The following AMBP variants were observed in gnomAD, a reference collection of about 807,000 sequenced individuals.
AMBP encodes protein AMBP.
A neutral mutation model predicts 46.3 loss-of-function variants in AMBP; 37 were observed. The ratio of observed to expected loss-of-function variants is 0.80; its 90% CI spans 0.61 to 1.05. The LOEUF (loss-of-function observed/expected upper bound fraction) is 1.05, where lower values mean the gene tolerates loss of function less well. Ranked by LOEUF, AMBP falls within the 50% of genes least tolerant of loss-of-function variation. The pLI is 0.00. For missense variants in AMBP, 475 were observed against 461.2 expected, an observed-to-expected ratio of 1.03 and a Z score of -0.27; for synonymous variants, 174 against 175.9, an observed-to-expected ratio of 0.99 and a Z score of 0.09.
chr9:114,069,067 C>CAT (rs958498953), intron 6 of AMBP, among the ~76,000 whole-genome samples: 10 of 151,560 alleles, frequency 6.6e-5, no homozygotes, highest in Non-Finnish European at 1.0e-4. Flanking sequence ...TATATATACA[C>CAT]ATATATATAT....
At chr9:114,077,101 G>A (rs1474033056) in intron 1 of AMBP, among the ~76,000 whole-genome samples, 1 of 152,094 alleles carries the variant, frequency 6.6e-6, no homozygotes, top group Non-Finnish European at 1.5e-5. Context: ...CAATGATGGG[G>A]TGCTCCCCAC....
intron 4 of AMBP, among the ~76,000 whole-genome samples, chr9:114,073,743 C>T (rs1846771078): frequency 6.6e-6 from 1 of 152,150 alleles, no homozygotes; most frequent in Non-Finnish European, 1.5e-5. Flanking sequence ...AAGCAATCCT[C>T]TTGCCTTGGC....
chr9:114,061,516 A>G lies in AMBP; in HGVS notation c.761T>C (p.Met254Thr), dbSNP rs777174869. The change falls in exon 8 of 10, where the codon ATG becomes ACG. Residue 254 changes from methionine (M) to threonine (T), a missense_variant. By Grantham distance (81) the Met-to-Thr change is moderately conservative (BLOSUM62 -1). Transcript: ENST00000265132. Reference sequence around the variant, plus strand: ...GCCGTACTGGAAAGTCTCACAGGCCATGGATGTACCATTATAGAAATACCT... The same window carrying G: ...GCCGTACTGGAAAGTCTCACAGGCCGTGGATGTACCATTATAGAAATACCT... ...TSRYFYNGTS[M>T]ACETFQYGGC... 5.0e-6 allele frequency: 8 copies of G among 1,614,022 alleles called. No individual in the cohort carries two copies. Among genetic ancestry groups the G allele is most frequent in the African/African-American group, 1.3e-5 (1 of 74,926 alleles).
At chr9:114,066,029 GCC>G (rs56387314) in intron 6 of AMBP, among the ~76,000 whole-genome samples, 32,600 of 152,100 alleles carry the variant, frequency 0.21, 3,723 homozygotes, top group East Asian at 0.38. Flanking sequence ...CCAGGGGTCA[GCC>G]CCTTTTGGGG....
chr9:114,066,167 CT>C (rs1846691400), intron 6 of AMBP, among the ~76,000 whole-genome samples: 1 of 152,198 alleles, frequency 6.6e-6, no homozygotes, highest in Admixed American at 6.5e-5. Context: ...TCAGAGGTCC[CT>C]GTAGTGTTGG....
At chr9:114,061,368 T>C (rs776320024) in intron 8 of AMBP, 56 bp downstream of exon 8, 5 of 1,608,940 alleles carry the variant, frequency 3.1e-6, no homozygotes, top group Non-Finnish European at 1.7e-6. Context: ...GGTGGTTTAC[T>C]GGAGGGACAG....
intron 6 of AMBP, among the ~76,000 whole-genome samples, chr9:114,066,376 C>CGTGT (rs55940547): frequency 0.035 from 4,937 of 141,216 alleles, 177 homozygotes; most frequent in East Asian, 0.15. Flanking sequence ...TTTATGTGCA[C>CGTGT]GTGTGTGTGT....
At chr9:114,067,083 G>C (rs1042153230) in intron 6 of AMBP, among the ~76,000 whole-genome samples, 1 of 152,000 alleles carries the variant, frequency 6.6e-6, no homozygotes, top group African/African-American at 2.4e-5. Context: ...TGGGACTACA[G>C]GCCTCAGCCA....
In AMBP at chr9:114,062,771, G is replaced by A. The variant is rs1318658139; in HGVS notation, c.604-13C>T. 1.2e-6 allele frequency: 2 copies of A among 1,613,672 alleles called. No homozygotes were observed. Among genetic ancestry groups the A allele is most frequent in the South Asian group, 2.2e-5 (2 of 91,062 alleles). On this transcript the variant is annotated splice_polypyrimidine_tract_variant and intron_variant, in intron 6 of 9. Coordinates refer to ENST00000265132, the MANE Select transcript of AMBP (RefSeq NM_001633.4). ...CCCTCCGGACTCTCTGCGGGGGAGA[G>A]AAAGAGAAGAAGCAGTTGCAGACTC...
intron 5 of AMBP, among the ~76,000 whole-genome samples, chr9:114,072,173 C>T (rs1002392062): frequency 7.9e-5 from 12 of 152,330 alleles, no homozygotes; most frequent in African/African-American, 1.2e-4. Flanking sequence ...GAGCCCAGAC[C>T]TGGGAGCTCC....
chr9:114,076,748 G>A lies in AMBP; in HGVS notation c.118-8C>T, dbSNP rs997501852. 1.1e-5 allele frequency: 17 copies of A among 1,613,738 alleles called. No individual in the cohort carries two copies. Among genetic ancestry groups the A allele is most frequent in the Non-Finnish European group, 1.4e-5 (16 of 1,179,780 alleles). On this transcript the variant is annotated splice_polypyrimidine_tract_variant and splice_region_variant and intron_variant, in intron 1 of 9. Coordinates refer to ENST00000265132, the MANE Select transcript of AMBP (RefSeq NM_001633.4). ...GTACCACTTCCCATAGATCTAGGAG[G>A]CAGGTGAGCTCTGGGGGTCTGCATC...
intron 5 of AMBP, among the ~76,000 whole-genome samples, chr9:114,071,803 C>CT (rs1846747826): frequency 6.6e-6 from 1 of 152,192 alleles, no homozygotes; most frequent in Non-Finnish European, 1.5e-5. Flanking sequence ...GAGACACACA[C>CT]TCTAGGGCCT....
At chr9:114,076,787 A>C (rs762466887) in intron 1 of AMBP, 47 bp from the exon 2 acceptor site, 2 of 1,596,124 alleles carry the variant, frequency 1.3e-6, no homozygotes, top group East Asian at 4.5e-5. Flanking sequence ...CTCAGACCTC[A>C]AAGCAGACCT....
intron 3 of AMBP, among the ~76,000 whole-genome samples, 200 bp downstream of exon 3, chr9:114,074,760 T>C (rs781317835): frequency 7.6e-5 from 11 of 144,582 alleles, no homozygotes; most frequent in Non-Finnish European, 7.6e-5. Flanking sequence ...GGGCACTGGG[T>C]GGGGGCAGGG....
intron 6 of AMBP, among the ~76,000 whole-genome samples, chr9:114,068,665 G>A (rs1846715385): frequency 6.6e-6 from 1 of 151,390 alleles, no homozygotes; most frequent in Non-Finnish European, 1.5e-5. Context: ...ATTAGAAATA[G>A]CACTTGTAAT....
chr9:114,074,459 CTT>C (rs1339800639), intron 3 of AMBP, among the ~76,000 whole-genome samples: 1 of 152,196 alleles, frequency 6.6e-6, no homozygotes, highest in Admixed American at 6.5e-5. Flanking sequence ...GTAACTGACT[CTT>C]TGACTCATTT....
chr9:114,060,996 C>T lies in AMBP; in HGVS notation c.956G>A (p.Gly319Asp). ...GAACTTGTTCCCGTTGCCCTGGCAG[C>T]CCCCGTAGGGGAAGAGGACGCACTT... ...KGKCVLFPYG[G>D]CQGNGNKFYS... The change falls in exon 9 of 10, where the codon GGC (glycine) becomes GAC (aspartate). Residue 319 changes from glycine to aspartate, a missense_variant. Transcript: ENST00000265132. The T allele has an allele frequency of 1.9e-6, 3 of 1,614,242 alleles. No homozygotes were observed. The highest frequency in any genetic ancestry group is 1.7e-6 in the Non-Finnish European group (2 of 1,180,032).
intron 7 of AMBP, among the ~76,000 whole-genome samples, chr9:114,061,927 C>T (rs1484876141): frequency 6.6e-6 from 1 of 152,114 alleles, no homozygotes; most frequent in Non-Finnish European, 1.5e-5. Context: ...CCCACACTGG[C>T]CAGCCTGACC....
chr9:114,060,311 G>A, intron 9 of AMBP, 41 bp from the exon 10 acceptor site: 4 of 1,607,894 alleles, frequency 2.5e-6, no homozygotes, highest in Non-Finnish European at 3.4e-6. Flanking sequence ...CCGTAGGCAG[G>A]GACACTCAGG....
Sources: gnomAD v4.1 joint callset for allele counts (sites outside exome capture counted in the v4.1 genomes callset) on GRCh38, gnomAD v4.1.1 for gene constraint, MANE v1.5 for transcripts, NCBI Gene and HGNC (gene_info 2026-07-23, HGNC 2026-07-21) for gene names.